Variants in MYO3B observed in about 807,000 individuals in gnomAD.
The protein encoded by MYO3B is myosin IIIB.
In MYO3B, 156 loss-of-function variants were observed where a neutral mutation model predicts 174.6. The observed-to-expected ratio is 0.89, with a 90% confidence interval of 0.78 to 1.02. The LOEUF (loss-of-function observed/expected upper bound fraction) is 1.02, where lower values mean the gene tolerates loss of function less well. Among genes scored for constraint, MYO3B ranks in the 50% least tolerant of loss-of-function variants. The pLI, the probability that MYO3B is intolerant of heterozygous loss-of-function variation, is 0.00. For synonymous variants in MYO3B, 563 were observed against 569.1 expected (o/e 0.99, Z 0.15); for missense variants, 1,632 against 1,639.4 (o/e 1.00, Z 0.08).
At position 170,542,965 on chromosome 2, in the gene MYO3B, A is replaced by T; in HGVS notation, c.3635A>T (p.Lys1212Met). ...GATATCTTCGCAGGACATGCAAACA[A>T]GGTAGCTGGATATCTTGATTCCAAA... ...GCDIFAGHAN[K>M]HSVSGTDLLS... is the part of the protein sequence containing the mutation. The change falls in exon 31 of 35, where the codon AAG becomes ATG. Residue 1212 changes from lysine (K) to methionine (M), a missense_variant and splice_region_variant. Transcript: ENST00000408978. 6.2e-7 allele frequency: 1 copy of T among 1,608,750 alleles called. No homozygotes were observed.
chr2:170,614,927 C>T (rs534370560), intron 32 of MYO3B, among the ~76,000 whole-genome samples: 1 of 152,280 alleles, frequency 6.6e-6, no homozygotes, highest in African/African-American at 2.4e-5. Context: ...TTCACCTCCC[C>T]CTCCCTCCCT....
chr2:170,217,635 C>T (rs186073475), intron 6 of MYO3B, among the ~76,000 whole-genome samples: 1 of 152,326 alleles, frequency 6.6e-6, no homozygotes, highest in East Asian at 1.9e-4. Context: ...AAGTGTCCCT[C>T]CAGAAGATGC....
chr2:170,543,013 G>A, intron 31 of MYO3B, 47 bp downstream of exon 31: 4 of 1,493,652 alleles, frequency 2.7e-6, no homozygotes, highest in Non-Finnish European at 3.7e-6. Context: ...CACTCCTTCA[G>A]ACTCATCCAA....
At chr2:170,324,610 C>T (rs2093851718) in intron 7 of MYO3B, among the ~76,000 whole-genome samples, 3 of 152,156 alleles carry the variant, frequency 2.0e-5, no homozygotes, top group South Asian at 4.1e-4. Flanking sequence ...TGTAACATTC[C>T]TGGCCTCTCT....
chr2:170,295,466 A>T (rs1472714478), intron 7 of MYO3B, among the ~76,000 whole-genome samples: 1 of 151,962 alleles, frequency 6.6e-6, no homozygotes. Flanking sequence ...TGATTTAACG[A>T]GGTAAAAAGA....
intron 25 of MYO3B, among the ~76,000 whole-genome samples, chr2:170,486,680 A>G (rs1344607437): frequency 6.6e-6 from 1 of 152,210 alleles, no homozygotes; most frequent in East Asian, 1.9e-4. Flanking sequence ...CATCCAGTCC[A>G]ACTACCTGGC....
chr2:170,496,684 A>G lies in MYO3B; in HGVS notation c.3015-1908A>G, dbSNP rs192491296. Reference sequence around the variant, plus strand: ...TTTTGAGACAAGATCTCCTTGTGTCACCCAGGCTAGAGTGCAGTGGTGTGA... The same window carrying G: ...TTTTGAGACAAGATCTCCTTGTGTCGCCCAGGCTAGAGTGCAGTGGTGTGA... On this transcript the variant is annotated intron_variant, in intron 25 of 34. Transcript: ENST00000408978. Among the ~76,000 whole-genome samples, 181 of 151,436 alleles carry G rather than the reference A, an allele frequency of 1.2e-3. 1 individual carries two copies. Among genetic ancestry groups the G allele is most frequent in the East Asian group, 9.7e-3 (50 of 5,178 alleles).
At chr2:170,590,297 G>A (rs1693742913) in intron 32 of MYO3B, among the ~76,000 whole-genome samples, 1 of 152,026 alleles carries the variant, frequency 6.6e-6, no homozygotes, top group East Asian at 1.9e-4. Flanking sequence ...TTTAAATGAG[G>A]GGTTTCTTTC....
At chr2:170,526,492 G>A (rs1689008580) in intron 30 of MYO3B, among the ~76,000 whole-genome samples, 1 of 152,134 alleles carries the variant, frequency 6.6e-6, no homozygotes, top group Admixed American at 6.6e-5. Flanking sequence ...CTCACTCTCT[G>A]CTTTAACTTT....
chr2:170,400,939 A>T (rs1434878701), intron 17 of MYO3B, among the ~76,000 whole-genome samples: 2 of 151,488 alleles, frequency 1.3e-5, no homozygotes, highest in Middle Eastern at 3.2e-3. Flanking sequence ...TGGCTGTTTT[A>T]AAAAAATCAT....
chr2:170,530,942 G>T (rs555851463), intron 30 of MYO3B, among the ~76,000 whole-genome samples: 1 of 152,182 alleles, frequency 6.6e-6, no homozygotes, highest in African/African-American at 2.4e-5. Flanking sequence ...GAATTGGATA[G>T]ATAGTGAATT....
chr2:170,217,259 G>A (rs541109106), intron 5 of MYO3B, 60 bp from the exon 6 acceptor site: 117 of 1,473,736 alleles, frequency 7.9e-5, no homozygotes, highest in African/African-American at 9.7e-5. Context: ...AAAGTCTGCC[G>A]ATTGCTGGTC....
At chr2:170,637,358 A>C (rs543991520) in intron 32 of MYO3B, among the ~76,000 whole-genome samples, 1 of 151,848 alleles carries the variant, frequency 6.6e-6, no homozygotes, top group Non-Finnish European at 1.5e-5. Flanking sequence ...TTTTTAGTAG[A>C]GACAGGGTTT....
intron 8 of MYO3B, among the ~76,000 whole-genome samples, chr2:170,368,328 G>A (rs1454609646): frequency 6.6e-6 from 1 of 152,182 alleles, no homozygotes; most frequent in Non-Finnish European, 1.5e-5. Context: ...GGCTTAAAAG[G>A]GTAGATGTTA....
chr2:170,402,469 T>C (rs1028028151), intron 18 of MYO3B, among the ~76,000 whole-genome samples: 2 of 152,200 alleles, frequency 1.3e-5, no homozygotes, highest in Non-Finnish European at 2.9e-5. Context: ...TGTGGAGGAA[T>C]TCACCACATC....
At chr2:170,598,889 A>G (rs1403322554) in intron 32 of MYO3B, among the ~76,000 whole-genome samples, 1 of 152,246 alleles carries the variant, frequency 6.6e-6, no homozygotes, top group Non-Finnish European at 1.5e-5. Flanking sequence ...CTCGTAAGCT[A>G]TAAAACTATA....
chr2:170,222,899 A>T (rs183187259), intron 6 of MYO3B, among the ~76,000 whole-genome samples: 2 of 152,220 alleles, frequency 1.3e-5, no homozygotes, highest in African/African-American at 2.4e-5. Flanking sequence ...CAGGTTATAG[A>T]TGCTAGCATA....
At chr2:170,411,143 A>G (rs1050150792) in intron 22 of MYO3B, among the ~76,000 whole-genome samples, 2 of 152,192 alleles carry the variant, frequency 1.3e-5, no homozygotes, top group Admixed American at 6.5e-5. Context: ...TTTGCTTTCA[A>G]AACAGCCCCA....
chr2:170,306,931 T>C (rs2093704520), intron 7 of MYO3B, among the ~76,000 whole-genome samples: 1 of 152,234 alleles, frequency 6.6e-6, no homozygotes, highest in South Asian at 2.1e-4. Context: ...AGTAGCTTTG[T>C]ATGTTCTCAG....
Sources: gnomAD v4.1 joint callset for allele counts (sites outside exome capture counted in the v4.1 genomes callset) on GRCh38, gnomAD v4.1.1 for gene constraint, MANE v1.5 for transcripts, NCBI Gene and HGNC (gene_info 2026-07-23, HGNC 2026-07-21) for gene names.